KSR1: variants seen among roughly 807,000 people sequenced by gnomAD.
The protein encoded by KSR1 is kinase suppressor of ras 1.
In KSR1, 35 loss-of-function variants were observed where a neutral mutation model predicts 92.9. The observed-to-expected ratio is 0.38, with a 90% confidence interval of 0.29 to 0.50. The LOEUF is 0.50. KSR1 is among the 20% of genes least tolerant of loss of function. KSR1 has a pLI of 0.94. For missense variants in KSR1, 972 were observed against 1,158.5 expected (o/e 0.84, Z 2.34); for synonymous variants, 467 against 472.6 (o/e 0.99, Z 0.15).
intron 1 of KSR1, among the ~76,000 whole-genome samples, chr17:27,463,756 T>C (rs1268394323): frequency 2.0e-5 from 3 of 152,200 alleles, no homozygotes; most frequent in Non-Finnish European, 2.9e-5. Context: ...AATCATATGG[T>C]GAGGTCTTGA....
chr17:27,574,505 A>G (rs1448546111), intron 2 of KSR1, among the ~76,000 whole-genome samples: 1 of 152,184 alleles, frequency 6.6e-6, no homozygotes, highest in East Asian at 1.9e-4. Context: ...CTGAAGATTG[A>G]AGAATATACT....
At chr17:27,603,449 C>G (rs1316869269) in intron 11 of KSR1, among the ~76,000 whole-genome samples, 1 of 152,248 alleles carries the variant, frequency 6.6e-6, no homozygotes, top group South Asian at 2.1e-4. Flanking sequence ...TGCTTCCAAA[C>G]AGCAGCTTTA....
intron 3 of KSR1, among the ~76,000 whole-genome samples, chr17:27,581,228 C>G (rs771096168): frequency 2.0e-5 from 3 of 152,006 alleles, no homozygotes; most frequent in Admixed American, 6.6e-5. Flanking sequence ...CTCACTCTCT[C>G]GAGAACAGCA....
At chr17:27,511,712 G>A (rs999126255) in intron 1 of KSR1, among the ~76,000 whole-genome samples, 2 of 152,186 alleles carry the variant, frequency 1.3e-5, no homozygotes, top group African/African-American at 4.8e-5. Context: ...GGTTCCTGAG[G>A]CAAACCTTTT....
chr17:27,468,518 C>T (rs943464709), intron 1 of KSR1, among the ~76,000 whole-genome samples: 8 of 152,182 alleles, frequency 5.3e-5, no homozygotes, highest in African/African-American at 1.7e-4. Flanking sequence ...CGTGAGCCAC[C>T]GTGCCTGGCC....
intron 1 of KSR1, among the ~76,000 whole-genome samples, chr17:27,547,962 C>G (rs1312590310): frequency 6.6e-6 from 1 of 152,128 alleles, no homozygotes; most frequent in Non-Finnish European, 1.5e-5. Context: ...ATCCACCTGC[C>G]TTGGCGTCCC....
chr17:27,606,375 A>G (rs185192862), intron 14 of KSR1, among the ~76,000 whole-genome samples: 2 of 152,350 alleles, frequency 1.3e-5, no homozygotes, highest in East Asian at 3.9e-4. Context: ...GAGACACTAT[A>G]AACAGTTAAC....
intron 3 of KSR1, among the ~76,000 whole-genome samples, chr17:27,580,997 C>T (rs751353924): frequency 1.3e-5 from 2 of 152,066 alleles, no homozygotes; most frequent in Non-Finnish European, 2.9e-5. Flanking sequence ...GAACTCCTGA[C>T]CTGGTGATCT....
chr17:27,560,443 T>C (rs777483323), intron 2 of KSR1: 1 of 519,088 alleles, frequency 1.9e-6, no homozygotes, highest in Admixed American at 1.9e-5. Flanking sequence ...GAACTGAAGA[T>C]GCAGGCGGAT....
At position 27,577,835 on chromosome 17, in the gene KSR1, G is replaced by A. The variant is rs1238741010; in HGVS notation, c.520+196G>A. 2.9e-6 allele frequency: 2 copies of A among 698,300 alleles called. No individual in the cohort carries two copies. The highest frequency in any genetic ancestry group is 4.1e-5 in the Admixed American group (2 of 49,274). 43.3% of individuals were successfully genotyped at this position (698,300 alleles called of 1,614,324 possible). ...CAGGGCTCTGGATCCTGGTGGGTCT[G>A]GCCAGGCCGAATCTGAGGGGTTTCA... is the stretch of plus-strand genomic sequence containing the variant. On this transcript the variant is annotated intron_variant, in intron 3 of 20. Coordinates refer to ENST00000644974, the MANE Select transcript of KSR1 (RefSeq NM_001394583.1). This position sits in a 1 kb window ranked among gnomAD's most constrained non-coding sequence, Gnocchi z 4.5.
chr17:27,519,567 G>C (rs1335644651), intron 1 of KSR1, among the ~76,000 whole-genome samples: 1 of 152,208 alleles, frequency 6.6e-6, no homozygotes, highest in East Asian at 1.9e-4. Flanking sequence ...TGGTCAGTCA[G>C]TGCCACTCTG....
intron 1 of KSR1, among the ~76,000 whole-genome samples, chr17:27,501,249 C>T (rs1291356658): frequency 7.1e-6 from 1 of 141,826 alleles, no homozygotes; most frequent in African/African-American, 2.6e-5. Context: ...CAGGAGTTGT[C>T]CTAATTTTCT....
intron 1 of KSR1, among the ~76,000 whole-genome samples, chr17:27,478,335 C>A (rs979185034): frequency 9.2e-5 from 14 of 152,148 alleles, no homozygotes; most frequent in African/African-American, 3.4e-4. Context: ...ACCCTTCTTA[C>A]CTTGGTCAAG....
chr17:27,479,125 C>T (rs892112791), intron 1 of KSR1, among the ~76,000 whole-genome samples: 1 of 150,488 alleles, frequency 6.6e-6, no homozygotes, highest in Admixed American at 6.6e-5. Context: ...CCTCTGTGCT[C>T]CTGTCTCCCT....
At chr17:27,580,740 C>A (rs149858806) in intron 3 of KSR1, among the ~76,000 whole-genome samples, 1 of 152,022 alleles carries the variant, frequency 6.6e-6, no homozygotes, top group African/African-American at 2.4e-5. Flanking sequence ...AATACAGGTG[C>A]GTCAGTCCCT....
chr17:27,570,249 A>G (rs2151136668), intron 2 of KSR1, among the ~76,000 whole-genome samples: 2 of 152,314 alleles, frequency 1.3e-5, no homozygotes, highest in Non-Finnish European at 2.9e-5. Flanking sequence ...GGCTCACTTC[A>G]TAATGCAAGG....
At chr17:27,605,860 C>A in intron 14 of KSR1, 47 bp downstream of exon 14, 1 of 1,603,796 alleles carries the variant, frequency 6.2e-7, no homozygotes, top group Non-Finnish European at 8.5e-7. Flanking sequence ...CTCAGCCTCC[C>A]CCTTCCCAGG....
intron 1 of KSR1, among the ~76,000 whole-genome samples, chr17:27,476,419 G>T (rs551692200): frequency 2.0e-5 from 3 of 152,192 alleles, no homozygotes; most frequent in African/African-American, 7.2e-5. Context: ...CCTGAGTCTT[G>T]GCTGCTGGGA....
rs1303523865 is a variant in KSR1, at chr17:27,526,892, G to C, written c.232-23676G>C. On this transcript the variant is annotated intron_variant, in intron 1 of 20. Coordinates refer to ENST00000644974, the MANE Select transcript of KSR1 (RefSeq NM_001394583.1). ...AGAGCTGCTCCAGCAGCATGCTGGT[G>C]ATCTCCTTCCCTAGGACTTGGTTAC... 2.0e-5 allele frequency: 13 copies of C among 643,974 alleles called. No homozygotes were observed. In the Admixed American group the frequency reaches 3.6e-4, roughly 18 times the overall value. The allele number at this position is 643,974 out of a possible 1,614,324, so 39.9% of individuals were successfully genotyped here. A position where few individuals can be genotyped will look rare whatever the true frequency, so the allele number is the denominator to read the frequency against.
Sources: allele counts gnomAD v4.1 joint callset (sites outside exome capture counted in the v4.1 genomes callset), GRCh38; gene constraint gnomAD v4.1.1; non-coding constraint Gnocchi (gnomAD v3.1); transcripts MANE v1.5; gene names NCBI Gene and HGNC (gene_info 2026-07-23, HGNC 2026-07-21).